The following SPATA19 variants were observed in gnomAD, a reference collection of about 807,000 sequenced individuals.
SPATA19 encodes spermatogenesis-associated protein 19, mitochondrial.
Under a neutral mutation model 25.0 loss-of-function variants are expected in SPATA19, and 19 were observed. That is an observed-to-expected ratio of 0.76 (90% CI 0.53 to 1.11). SPATA19 has a LOEUF of 1.11. Among genes scored for constraint, SPATA19 ranks in the 50% most tolerant of loss-of-function variants. The probability of loss-of-function intolerance (pLI) is 0.00; values close to 1 mark genes in which losing one functional copy is unlikely to be tolerated. For missense variants in SPATA19, 222 were observed against 211.4 expected, an observed-to-expected ratio of 1.05 and a Z score of -0.31; for synonymous variants, 64 against 69.3, an observed-to-expected ratio of 0.92 and a Z score of 0.38.
chr11:133,839,533 G>A (rs1279870390), downstream of SPATA19, among the ~76,000 whole-genome samples: 2 of 149,934 alleles, frequency 1.3e-5, no homozygotes, highest in Non-Finnish European at 3.0e-5. Context: ...GCCTGTTGTG[G>A]GGTAGGGGAG....
rs749378141 is a variant in SPATA19, at chr11:133,842,506, C to T, written c.416G>A (p.Arg139Gln). The change falls in exon 5 of 7, where the codon CGA (arginine) becomes CAA (glutamine). Residue 139 changes from arginine (R) to glutamine (Q), a missense_variant. Coordinates refer to ENST00000299140, the MANE Select transcript of SPATA19 (RefSeq NM_174927.3). ...SEMTEDIMRD[R>Q]IEQVRRSISR... Reference sequence around the variant, plus strand: ...TTACCTTCGTCTCACCTGCTCTATTCGATCTCGCATGATGTCCTCTGTCAT... The same window carrying T: ...TTACCTTCGTCTCACCTGCTCTATTTGATCTCGCATGATGTCCTCTGTCAT... 10 of 1,614,012 alleles carry T rather than the reference C, an allele frequency of 6.2e-6. No individual in the cohort carries two copies. The South Asian group carries it at 6.6e-5, about 11-fold the overall frequency.
rs778757921 is a variant in SPATA19 at position 133,842,111 on chromosome 11, G to A, written c.438-6C>T. 1.2e-6 allele frequency: 2 copies of A among 1,613,924 alleles called. No individual in the cohort carries two copies. Among genetic ancestry groups the A allele is most frequent in the East Asian group, 4.5e-5 (2 of 44,876 alleles). On this transcript the variant is annotated splice_polypyrimidine_tract_variant and splice_region_variant and intron_variant, in intron 5 of 6. Transcript: ENST00000299140. ...CATCTGTAAGACGGGATATGCTGCA[G>A]GGGACAGAGGAGAAGGGCCAGGTGG...
chr11:133,842,751 G>T (rs937055449), intron 4 of SPATA19, among the ~76,000 whole-genome samples, 189 bp from the exon 5 acceptor site: 2 of 151,956 alleles, frequency 1.3e-5, no homozygotes, highest in African/African-American at 4.8e-5. Flanking sequence ...GTACCCTTGA[G>T]CCCCCAGTAA....
chr11:133,838,221 G>A (rs1938243736), downstream of SPATA19, among the ~76,000 whole-genome samples: 1 of 152,168 alleles, frequency 6.6e-6, no homozygotes, highest in Non-Finnish European at 1.5e-5. Context: ...GGCTCTAATG[G>A]GGAAAGTGGA....
intron 1 of SPATA19, 53 bp from the exon 2 acceptor site, chr11:133,845,243 T>TAC: frequency 3.2e-6 from 5 of 1,555,060 alleles, no homozygotes; most frequent in East Asian, 2.3e-5. Context: ...ATTCAGCTCT[T>TAC]CCCACCCAGC....
At chr11:133,839,602 G>A (rs1938269356), downstream of SPATA19, among the ~76,000 whole-genome samples, 1 of 151,998 alleles carries the variant, frequency 6.6e-6, no homozygotes, top group African/African-American at 2.4e-5. Context: ...AATGGGTGCA[G>A]CACACCAACA....
chr11:133,842,981 T>C (rs1012340037), intron 4 of SPATA19, among the ~76,000 whole-genome samples: 2 of 152,172 alleles, frequency 1.3e-5, no homozygotes, highest in Non-Finnish European at 2.9e-5. Context: ...GAGGAAGCTG[T>C]GGGGTCCCCT....
downstream of SPATA19, among the ~76,000 whole-genome samples, chr11:133,836,092 A>G (rs959368226): frequency 2.6e-5 from 4 of 152,110 alleles, no homozygotes; most frequent in Non-Finnish European, 2.9e-5. Flanking sequence ...CACTTGCCAC[A>G]TGGCCCAACC....
chr11:133,845,258 G>A (rs2298738), intron 1 of SPATA19, 68 bp from the exon 2 acceptor site: 201 of 1,516,100 alleles, frequency 1.3e-4, no homozygotes, highest in Non-Finnish European at 1.7e-4. Context: ...CCCAGCCCCC[G>A]CAACTGTTAC....
At chr11:133,841,965 G>C (rs1654242606) in intron 6 of SPATA19, 65 bp downstream of exon 6, 1 of 1,454,166 alleles carries the variant, frequency 6.9e-7, no homozygotes, top group Non-Finnish European at 9.7e-7. Flanking sequence ...CAGCTGCAGT[G>C]CCCCTTCCCA....
chr11:133,837,009 G>A (rs1358924049), downstream of SPATA19, among the ~76,000 whole-genome samples: 1 of 152,104 alleles, frequency 6.6e-6, no homozygotes, highest in African/African-American at 2.4e-5. Flanking sequence ...TTAGTGCTTG[G>A]ATACATTTCA....
downstream of SPATA19, among the ~76,000 whole-genome samples, chr11:133,836,230 C>T (rs144290862): frequency 1.9e-3 from 296 of 152,294 alleles, no homozygotes; most frequent in Non-Finnish European, 3.0e-3. Context: ...TGCTGCTGCC[C>T]AGGGCTGGCT....
At position 133,840,868 on chromosome 11, in the gene SPATA19, A is replaced by AG. The variant is rs1476082768; in HGVS notation, c.*64dup. 4 of 152,184 alleles carry AG rather than the reference A, an allele frequency of 2.6e-5. No homozygotes were observed. Among genetic ancestry groups the AG allele is most frequent in the Non-Finnish European group, 4.4e-5 (3 of 68,048 alleles). The allele number at this position is 152,184 out of a possible 1,614,324, so 9.4% of individuals were successfully genotyped here. The stretch of plus-strand genomic sequence containing the variant: ...AGGGAGATGTGGTTGGCCAAGGGGT[A>AG]GGGCTGATGATGACTCCCTGTAACC... On this transcript the variant is annotated 3_prime_UTR_variant, in exon 7 of 7. Coordinates refer to ENST00000299140, the MANE Select transcript of SPATA19 (RefSeq NM_174927.3).
chr11:133,842,398 C>G (rs1032541186), intron 5 of SPATA19, 87 bp downstream of exon 5: 5 of 1,006,062 alleles, frequency 5.0e-6, no homozygotes, highest in Non-Finnish European at 7.9e-6. Context: ...GATAGCATTG[C>G]TGGGTGTGGG....
intron 5 of SPATA19, 49 bp downstream of exon 5, chr11:133,842,436 T>A: frequency 8.2e-6 from 12 of 1,467,886 alleles, no homozygotes; most frequent in Non-Finnish European, 1.1e-5. Flanking sequence ...ACCCCCACCC[T>A]ACCTGCCCCC....
At chr11:133,839,835 A>G (rs1454080496), downstream of SPATA19, among the ~76,000 whole-genome samples, 1 of 152,128 alleles carries the variant, frequency 6.6e-6, no homozygotes, top group Non-Finnish European at 1.5e-5. Flanking sequence ...GGAAGACAAG[A>G]AGGAGAATAA....
At position 133,844,485 on chromosome 11, in the gene SPATA19, G is replaced by A. The variant is rs775124639; in HGVS notation, c.267+24C>T. 3.7e-6 allele frequency: 6 copies of A among 1,614,058 alleles called. No individual in the cohort carries two copies. The Admixed American group carries it at 1.0e-4, about 27-fold the overall frequency. On this transcript the variant is annotated intron_variant, in intron 3 of 6. Coordinates refer to ENST00000299140, the MANE Select transcript of SPATA19 (RefSeq NM_174927.3). ...CCCTCTCCCTCACCGCTACTCCCAG[G>A]CAAGGTCTCAAACTCTCATTTACCA...
At chr11:133,843,030 T>C (rs1938343684) in intron 4 of SPATA19, among the ~76,000 whole-genome samples, 1 of 152,100 alleles carries the variant, frequency 6.6e-6, no homozygotes, top group Non-Finnish European at 1.5e-5. Flanking sequence ...GGGATATATA[T>C]ATTTCCTGAC....
chr11:133,839,849 G>T (rs1938273248), downstream of SPATA19, among the ~76,000 whole-genome samples: 1 of 152,064 alleles, frequency 6.6e-6, no homozygotes, highest in Non-Finnish European at 1.5e-5. Context: ...AGAATAAAAA[G>T]AGAGAAGAAT....
Sources: allele counts gnomAD v4.1 joint callset (sites outside exome capture counted in the v4.1 genomes callset), GRCh38; gene constraint gnomAD v4.1.1; transcripts MANE v1.5; gene names NCBI Gene and HGNC (gene_info 2026-07-23, HGNC 2026-07-21).